The following GABRG3 variants were observed in gnomAD, a reference collection of about 807,000 sequenced individuals.
GABRG3 encodes the protein gamma-aminobutyric acid type A receptor subunit gamma3, also known as gamma-aminobutyric acid receptor subunit gamma-3.
A neutral mutation model predicts 48.8 loss-of-function variants in GABRG3; 25 were observed. The observed-to-expected ratio is 0.51, with a 90% CI of 0.37 to 0.72. The LOEUF (loss-of-function observed/expected upper bound fraction) is 0.72, where lower values mean the gene tolerates loss of function less well. Ranked by LOEUF, GABRG3 falls within the 30% of genes least tolerant of loss-of-function variation. The pLI, the probability that GABRG3 is intolerant of heterozygous loss-of-function variation, is 0.00. For missense variants in GABRG3, 394 were observed against 577.9 expected, an observed-to-expected ratio of 0.68 and a Z score of 3.26; for synonymous variants, 227 against 217.6, an observed-to-expected ratio of 1.04 and a Z score of -0.38.
intron 5 of GABRG3, among the ~76,000 whole-genome samples, chr15:27,403,053 G>A (rs1445399857): frequency 1.3e-5 from 2 of 151,646 alleles, no homozygotes. Context: ...GTAAGTAAAA[G>A]ATAAGATATA....
intron 3 of GABRG3, among the ~76,000 whole-genome samples, chr15:27,122,217 A>G (rs1270336039): frequency 1.3e-5 from 2 of 152,222 alleles, no homozygotes; most frequent in Admixed American, 6.5e-5. Context: ...CATGTACCCC[A>G]TAAATATATA....
At position 26,974,908 on chromosome 15, in the gene GABRG3, C is replaced by T. The variant is rs967035067; in HGVS notation, c.54-2094C>T. ...TTATTATTTGAGATGGAGTCTCGCTCTGTTGCCCAGGCTGGAGTGCAGTGA... is the reference window on the plus strand; with the variant it reads ...TTATTATTTGAGATGGAGTCTCGCTTTGTTGCCCAGGCTGGAGTGCAGTGA... On this transcript the variant is annotated intron_variant, in intron 1 of 9. Transcript: ENST00000615808. This position sits in a 1 kb window ranked among gnomAD's most constrained non-coding sequence, Gnocchi z 4.3. 1.3e-5 allele frequency among the ~76,000 whole-genome samples: 2 copies of T among 149,412 alleles called. No homozygotes were observed. Among genetic ancestry groups the T allele is most frequent in the Non-Finnish European group, 3.0e-5 (2 of 67,560 alleles).
At chr15:27,475,963 C>T (rs942033764) in intron 5 of GABRG3, among the ~76,000 whole-genome samples, 1 of 151,874 alleles carries the variant, frequency 6.6e-6, no homozygotes, top group African/African-American at 2.4e-5. Context: ...GCGAGGAATT[C>T]GAGGAAATAT....
intron 3 of GABRG3, among the ~76,000 whole-genome samples, chr15:27,190,120 C>A (rs1231007456): frequency 6.6e-6 from 1 of 152,108 alleles, no homozygotes; most frequent in African/African-American, 2.4e-5. Context: ...CTGCTGGATT[C>A]GGTTTGCCAG....
chr15:27,153,073 G>A (rs921939271), intron 3 of GABRG3, among the ~76,000 whole-genome samples: 1 of 152,114 alleles, frequency 6.6e-6, no homozygotes, highest in African/African-American at 2.4e-5. Flanking sequence ...AGTTAGACCA[G>A]GATGGTCTCG....
chr15:27,454,914 A>G (rs1017216892), intron 5 of GABRG3, among the ~76,000 whole-genome samples: 1 of 152,142 alleles, frequency 6.6e-6, no homozygotes, highest in Non-Finnish European at 1.5e-5. Flanking sequence ...ATGAACCACA[A>G]TGCCTGGCAT....
chr15:27,525,403 C>A (rs1453432972), intron 7 of GABRG3, among the ~76,000 whole-genome samples: 2 of 152,134 alleles, frequency 1.3e-5, no homozygotes, highest in Admixed American at 6.5e-5. Flanking sequence ...TGTGCTTTCC[C>A]CAAAGAGGAA....
At chr15:27,475,629 G>A (rs560586099) in intron 5 of GABRG3, among the ~76,000 whole-genome samples, 1 of 151,774 alleles carries the variant, frequency 6.6e-6, no homozygotes, top group African/African-American at 2.4e-5. Flanking sequence ...GATGATGATG[G>A]TAATGATTGT....
intron 5 of GABRG3, among the ~76,000 whole-genome samples, chr15:27,348,211 A>T (rs1055658895): frequency 4.6e-5 from 7 of 151,554 alleles, no homozygotes; most frequent in African/African-American, 1.7e-4. Context: ...ACTTGAAACC[A>T]AAGATTGCTG....
At chr15:27,148,482 C>A (rs1486044484) in intron 3 of GABRG3, among the ~76,000 whole-genome samples, 3 of 151,912 alleles carry the variant, frequency 2.0e-5, no homozygotes, top group East Asian at 3.9e-4. Flanking sequence ...GAAAGGAATG[C>A]TTCCAAGCTC....
chr15:27,345,085 T>G (rs1894320999), intron 5 of GABRG3, among the ~76,000 whole-genome samples: 1 of 152,202 alleles, frequency 6.6e-6, no homozygotes, highest in South Asian at 2.1e-4. Flanking sequence ...TGCCTGAGTC[T>G]TTATGTTTAA....
intron 5 of GABRG3, among the ~76,000 whole-genome samples, chr15:27,347,427 A>C (rs532679008): frequency 9.7e-4 from 148 of 152,244 alleles, no homozygotes; most frequent in African/African-American, 3.3e-3. Context: ...TCCCAGCTAC[A>C]GTGCCCCCCA....
At chr15:27,038,073 C>T (rs1896209340) in intron 3 of GABRG3, among the ~76,000 whole-genome samples, 2 of 152,166 alleles carry the variant, frequency 1.3e-5, no homozygotes, top group African/African-American at 4.8e-5. Context: ...CGATCGGGTC[C>T]TGGTCCATGC....
chr15:27,077,780 C>CT (rs1272169829), intron 3 of GABRG3, among the ~76,000 whole-genome samples: 3 of 152,180 alleles, frequency 2.0e-5, no homozygotes, highest in Admixed American at 2.0e-4. Flanking sequence ...AAAGGAAGGA[C>CT]TTTTTTTCTC....
intron 5 of GABRG3, among the ~76,000 whole-genome samples, chr15:27,386,588 A>G (rs1566816587): frequency 6.6e-6 from 1 of 151,950 alleles, no homozygotes; most frequent in African/African-American, 2.4e-5. Context: ...CTCTGCTCCA[A>G]ATAAAGTCAT....
At chr15:27,248,330 C>T (rs1890329433) in intron 3 of GABRG3, among the ~76,000 whole-genome samples, 1 of 152,166 alleles carries the variant, frequency 6.6e-6, no homozygotes, top group South Asian at 2.1e-4. Context: ...ATCCCTGTTC[C>T]TAGGGCTCAC....
At chr15:27,314,780 T>A (rs1893154705) in intron 3 of GABRG3, among the ~76,000 whole-genome samples, 1 of 152,170 alleles carries the variant, frequency 6.6e-6, no homozygotes, top group South Asian at 2.1e-4. Context: ...AAGAACATCT[T>A]CTAAATGAAA....
chr15:27,277,132 G>C (rs1891282282), intron 3 of GABRG3, among the ~76,000 whole-genome samples: 1 of 152,264 alleles, frequency 6.6e-6, no homozygotes, highest in African/African-American at 2.4e-5. Flanking sequence ...CTGCTGGGAA[G>C]GTTGGTGATG....
rs189483436 is a variant in GABRG3, at chr15:27,341,727, A to G, written c.574+12839A>G. On this transcript the variant is annotated intron_variant, in intron 5 of 9. Transcript: ENST00000615808. The stretch of plus-strand genomic sequence containing the variant: ...ACGCGCCAGAAAGGGGCTCACGGCT[A>G]TTGTTACCCCATTATTGTTGTTATT... Among the ~76,000 whole-genome samples, 34 of 152,236 alleles carry G rather than the reference A, an allele frequency of 2.2e-4. 1 individual carries two copies. The highest frequency in any genetic ancestry group is 2.0e-3 in the Admixed American group (30 of 15,296).
Sources: gnomAD v4.1 joint callset for allele counts (sites outside exome capture counted in the v4.1 genomes callset) on GRCh38, gnomAD v4.1.1 for gene constraint, Gnocchi (gnomAD v3.1) non-coding constraint, MANE v1.5 for transcripts, NCBI Gene and HGNC (gene_info 2026-07-23, HGNC 2026-07-21) for gene names.